The following ADARB2 variants were observed in gnomAD, a reference collection of about 807,000 sequenced individuals.
The protein encoded by ADARB2 is inactive double-stranded RNA-specific editase B2.
ADARB2 carries 25 observed loss-of-function variants against 62.2 expected under a neutral mutation model. The observed-to-expected ratio is 0.40, with a 90% CI of 0.29 to 0.56. The LOEUF (loss-of-function observed/expected upper bound fraction) is 0.56, where lower values mean the gene tolerates loss of function less well. Ranked by LOEUF, ADARB2 falls within the 20% of genes least tolerant of loss-of-function variation. The pLI is 0.43. For synonymous variants in ADARB2, 572 were observed against 500.8 expected, an observed-to-expected ratio of 1.14 and a Z score of -1.90; for missense variants, 1,071 against 1,077.4, an observed-to-expected ratio of 0.99 and a Z score of 0.08.
At position 1,270,820 on chromosome 10, in the gene ADARB2, A is replaced by G. The variant is rs1019315352; in HGVS notation, c.1192+135T>C. Reference sequence around the variant, plus strand: ...ATGCTCTGGCCACTGATCTCTGTATATGCTATAATATTTTGTCTTTCTTTG... The same window carrying G: ...ATGCTCTGGCCACTGATCTCTGTATGTGCTATAATATTTTGTCTTTCTTTG... On this transcript the variant is annotated intron_variant, in intron 4 of 9. Coordinates refer to ENST00000381312, the MANE Select transcript of ADARB2 (RefSeq NM_018702.4). 4.1e-6 allele frequency: 3 copies of G among 737,318 alleles called. No homozygotes were observed. The East Asian group carries it at 8.2e-5, about 20-fold the overall frequency. 45.7% of individuals were successfully genotyped at this position (737,318 alleles called of 1,614,324 possible). A position where few individuals can be genotyped will look rare whatever the true frequency, so the allele number is the denominator to read the frequency against.
intron 1 of ADARB2, among the ~76,000 whole-genome samples, chr10:1,390,913 G>A (rs111633180): frequency 0.026 from 3,903 of 152,238 alleles, 168 homozygotes; most frequent in African/African-American, 0.089. Context: ...CCAAGACAAC[G>A]TGCCTTAAAT....
At chr10:1,525,266 T>C (rs925720219) in intron 1 of ADARB2, among the ~76,000 whole-genome samples, 2 of 152,234 alleles carry the variant, frequency 1.3e-5, no homozygotes, top group African/African-American at 2.4e-5. Flanking sequence ...AAGATTTCTT[T>C]CCTGGAAAAC....
chr10:1,637,051 T>A (rs992199630), intron 1 of ADARB2, among the ~76,000 whole-genome samples: 1 of 152,128 alleles, frequency 6.6e-6, no homozygotes, highest in African/African-American at 2.4e-5. Flanking sequence ...TACTCATTCA[T>A]GATTGAAAGG....
At chr10:1,505,477 T>C (rs1026119666) in intron 1 of ADARB2, among the ~76,000 whole-genome samples, 1 of 151,964 alleles carries the variant, frequency 6.6e-6, no homozygotes, top group Non-Finnish European at 1.5e-5. Context: ...GGCGAAATGA[T>C]TTCTCTAAGG....
At chr10:1,215,172 C>T (rs1837217614) in intron 7 of ADARB2, among the ~76,000 whole-genome samples, 1 of 152,236 alleles carries the variant, frequency 6.6e-6, no homozygotes, top group African/African-American at 2.4e-5. Context: ...GGCCAGGGCC[C>T]AGCACTCGGG....
chr10:1,509,612 T>C (rs1238864686), intron 1 of ADARB2, among the ~76,000 whole-genome samples: 2 of 152,274 alleles, frequency 1.3e-5, no homozygotes, highest in South Asian at 2.1e-4. Context: ...TTGTCTTTAA[T>C]AAATTCATTG....
chr10:1,467,048 C>T (rs1302928870), intron 1 of ADARB2, among the ~76,000 whole-genome samples: 1 of 151,962 alleles, frequency 6.6e-6, no homozygotes, highest in East Asian at 1.9e-4. Context: ...TACAGCATCT[C>T]TCTCTCTCTC....
At chr10:1,646,645 C>G (rs1231661830) in intron 1 of ADARB2, among the ~76,000 whole-genome samples, 2 of 152,242 alleles carry the variant, frequency 1.3e-5, no homozygotes, top group African/African-American at 4.8e-5. Flanking sequence ...GCTCTGGACT[C>G]AAATCCGAAC....
intron 1 of ADARB2, among the ~76,000 whole-genome samples, chr10:1,440,422 CTTTTT>C (rs113675218): frequency 3.5e-5 from 5 of 144,106 alleles, no homozygotes; most frequent in African/African-American, 1.3e-4. Context: ...CTACAAACGC[CTTTTT>C]TTTTTTTTTC....
Position 1,288,119 on chromosome 10 carries a change from G to A in ADARB2, c.1078-17050C>T, listed in dbSNP as rs1328034449. Among the ~76,000 whole-genome samples, 3 of 152,374 alleles carry A rather than the reference G, an allele frequency of 2.0e-5. No homozygotes were observed. In the South Asian group the frequency reaches 6.2e-4, roughly 32 times the overall value. On this transcript the variant is annotated intron_variant, in intron 3 of 9. Coordinates refer to ENST00000381312, the MANE Select transcript of ADARB2 (RefSeq NM_018702.4). ...CCTGAAAGGAGCTGAGGGGGTGTCT[G>A]TCAGAGCCCTGACTGCAGACAGGCT...
intron 3 of ADARB2, among the ~76,000 whole-genome samples, chr10:1,304,613 C>T (rs1214491121): frequency 1.3e-5 from 2 of 151,160 alleles, no homozygotes; most frequent in East Asian, 3.9e-4. Flanking sequence ...CAAAATTGAC[C>T]ACATACTTGG....
At chr10:1,294,532 G>T (rs75423379) in intron 3 of ADARB2, among the ~76,000 whole-genome samples, 3,871 of 152,212 alleles carry the variant, frequency 0.025, 159 homozygotes, top group African/African-American at 0.087. Context: ...AGCCCCTCGC[G>T]TTGTTTGACT....
At chr10:1,448,064 T>C (rs905485286) in intron 1 of ADARB2, among the ~76,000 whole-genome samples, 7 of 152,206 alleles carry the variant, frequency 4.6e-5, no homozygotes, top group African/African-American at 1.7e-4. Flanking sequence ...CTTTATGGTA[T>C]AGAAAAACAG....
At chr10:1,387,998 G>A (rs1237584722) in intron 1 of ADARB2, among the ~76,000 whole-genome samples, 1 of 151,968 alleles carries the variant, frequency 6.6e-6, no homozygotes, top group Non-Finnish European at 1.5e-5. Context: ...AAAAATAATA[G>A]TATCTTAAAA....
At chr10:1,674,151 G>A (rs767069221) in intron 1 of ADARB2, among the ~76,000 whole-genome samples, 1 of 152,362 alleles carries the variant, frequency 6.6e-6, no homozygotes, top group East Asian at 1.9e-4. Context: ...AATCAGCCCT[G>A]TGCAGAGTGC....
intron 1 of ADARB2, among the ~76,000 whole-genome samples, chr10:1,396,077 A>G (rs1347562233): frequency 1.3e-5 from 2 of 152,216 alleles, no homozygotes; most frequent in East Asian, 3.9e-4. Context: ...ATTCTAGTTA[A>G]CTGGAAAGCG....
Position 1,624,637 on chromosome 10 carries a change from T to G in ADARB2, c.100+112414A>C, listed in dbSNP as rs578126214. 2.2e-4 allele frequency among the ~76,000 whole-genome samples: 33 copies of G among 152,198 alleles called. 1 individual carries two copies. The South Asian group carries it at 6.8e-3, about 32-fold the overall frequency. The stretch of plus-strand genomic sequence containing the variant: ...ATTGATGGATATGTTTTTAAGAGAC[T>G]GACACATGTAACTCTTTATTAAAAA... On this transcript the variant is annotated intron_variant, in intron 1 of 9. Transcript: ENST00000381312.
intron 1 of ADARB2, among the ~76,000 whole-genome samples, chr10:1,653,197 C>T (rs1285140907): frequency 6.6e-6 from 1 of 152,216 alleles, no homozygotes; most frequent in African/African-American, 2.4e-5. Context: ...CTGCCACAGC[C>T]TAGAGACAGA....
intron 3 of ADARB2, among the ~76,000 whole-genome samples, chr10:1,293,167 G>C (rs1340572506): frequency 6.0e-5 from 3 of 50,144 alleles, no homozygotes; most frequent in Admixed American, 5.1e-4. Flanking sequence ...GGGTAAGAAG[G>C]GGGGAGAGGG....
Sources: allele counts gnomAD v4.1 joint callset (sites outside exome capture counted in the v4.1 genomes callset), GRCh38; gene constraint gnomAD v4.1.1; transcripts MANE v1.5; gene names NCBI Gene and HGNC (gene_info 2026-07-23, HGNC 2026-07-21).